Variants in MYO9A observed in about 807,000 individuals in gnomAD.
The protein encoded by MYO9A is myosin IXA.
Under a neutral mutation model 293.3 loss-of-function variants are expected in MYO9A, and 103 were observed. The observed-to-expected ratio is 0.35, with a 90% confidence interval of 0.30 to 0.41. MYO9A has a LOEUF of 0.41. Ranked by LOEUF, MYO9A falls within the 10% of genes least tolerant of loss-of-function variation. The pLI is 1.00. For synonymous variants in MYO9A, 1,001 were observed against 1,035.7 expected (o/e 0.97, Z 0.64); for missense variants, 2,685 against 3,033.0 (o/e 0.89, Z 2.69).
intron 32 of MYO9A, 29 bp from the exon 33 acceptor site, chr15:71,862,640 T>G (rs2056183624): frequency 1.4e-6 from 2 of 1,452,252 alleles, no homozygotes; most frequent in Non-Finnish European, 1.9e-6. Flanking sequence ...CTACTTATAT[T>G]AAAGCCAACA....
chr15:71,830,910 A>T (rs141881632), intron 39 of MYO9A, among the ~76,000 whole-genome samples: 11 of 150,652 alleles, frequency 7.3e-5, no homozygotes, highest in Non-Finnish European at 1.3e-4. Flanking sequence ...CTAGTGAGAT[A>T]TATTTTCTTA....
intron 1 of MYO9A, among the ~76,000 whole-genome samples, chr15:72,072,413 G>T (rs947829623): frequency 1.3e-5 from 2 of 152,126 alleles, no homozygotes; most frequent in Non-Finnish European, 2.9e-5. Context: ...TTACAGGCGT[G>T]AACCACAGCG....
chr15:71,956,825 C>CTA (rs374982755), intron 14 of MYO9A, among the ~76,000 whole-genome samples: 27,498 of 135,406 alleles, frequency 0.2, 2,823 homozygotes, highest in East Asian at 0.41. Flanking sequence ...GCTATATATG[C>CTA]TATATATATA....
chr15:72,116,097 T>C (rs149868586), intron 1 of MYO9A, among the ~76,000 whole-genome samples: 89 of 152,288 alleles, frequency 5.8e-4, no homozygotes, highest in African/African-American at 2.1e-3. Context: ...GGTTTATATA[T>C]TGGAAATATC....
intron 15 of MYO9A, among the ~76,000 whole-genome samples, chr15:71,951,440 G>A (rs201346179): frequency 7.0e-6 from 1 of 143,734 alleles, no homozygotes; most frequent in Non-Finnish European, 1.5e-5. Context: ...TTTTTTTGTT[G>A]TTTTTTTTTT....
chr15:71,849,483 A>G (rs1462952585), intron 38 of MYO9A, among the ~76,000 whole-genome samples: 1 of 151,962 alleles, frequency 6.6e-6, no homozygotes, highest in Non-Finnish European at 1.5e-5. Context: ...TAAAAATAAT[A>G]CAAAATAAAG....
chr15:72,002,564 T>G (rs1267995787), intron 8 of MYO9A, among the ~76,000 whole-genome samples: 1 of 152,122 alleles, frequency 6.6e-6, no homozygotes, highest in African/African-American at 2.4e-5. Context: ...GAAATCAGCA[T>G]TGAAAGATCT....
intron 11 of MYO9A, among the ~76,000 whole-genome samples, chr15:71,986,942 A>C (rs564190251): frequency 1.3e-5 from 2 of 152,282 alleles, no homozygotes; most frequent in Admixed American, 1.3e-4. Flanking sequence ...TCTCACCCAG[A>C]GTAACCTCCA....
intron 1 of MYO9A, among the ~76,000 whole-genome samples, chr15:72,078,287 A>G (rs2079433668): frequency 6.6e-6 from 1 of 152,076 alleles, no homozygotes; most frequent in African/African-American, 2.4e-5. Flanking sequence ...TGAGCCTAGG[A>G]GTTCAAGACC....
intron 13 of MYO9A, among the ~76,000 whole-genome samples, chr15:71,966,410 A>G (rs554906684): frequency 6.6e-6 from 1 of 152,234 alleles, no homozygotes; most frequent in South Asian, 2.1e-4. Context: ...GGGGTATAAA[A>G]GAAATCTAAA....
chr15:72,116,674 C>G (rs2080991220), intron 1 of MYO9A, among the ~76,000 whole-genome samples: 1 of 152,134 alleles, frequency 6.6e-6, no homozygotes, highest in South Asian at 2.1e-4. Context: ...AAATAAGAAA[C>G]AGTTCTAGTA....
At chr15:72,027,873 G>T in intron 3 of MYO9A, 80 bp from the exon 4 acceptor site, 5 of 1,052,458 alleles carry the variant, frequency 4.8e-6, no homozygotes, top group Non-Finnish European at 1.4e-6. Context: ...CAGTGTAAAA[G>T]TATAAAGAAT....
rs895547583 is a variant in MYO9A, at chr15:71,883,423, G to GA, written c.5398+170dup. Among the ~76,000 whole-genome samples, 5 of 152,134 alleles carry GA rather than the reference G, an allele frequency of 3.3e-5. 1 individual carries two copies. Among genetic ancestry groups the GA allele is most frequent in the Admixed American group, 1.3e-4 (2 of 15,260 alleles). The stretch of plus-strand genomic sequence containing the variant: ...CATTTTTTGGAAACTTCTATTGTAG[G>GA]AAAAATGTAACTTTATTTTTTAGTT... On this transcript the variant is annotated intron_variant, in intron 28 of 41. Coordinates refer to ENST00000356056, the MANE Select transcript of MYO9A (RefSeq NM_006901.4).
chr15:72,061,918 C>A (rs1248192394), intron 1 of MYO9A, among the ~76,000 whole-genome samples: 2 of 152,188 alleles, frequency 1.3e-5, no homozygotes, highest in African/African-American at 4.8e-5. Context: ...CAGGTCTGAC[C>A]CAGCACAGTC....
intron 15 of MYO9A, among the ~76,000 whole-genome samples, chr15:71,944,411 T>C (rs961175331): frequency 4.6e-5 from 7 of 152,284 alleles, no homozygotes; most frequent in African/African-American, 1.2e-4. Flanking sequence ...TCTAAGAAAC[T>C]TTTGCCTGTC....
At chr15:71,900,302 G>T (rs1248073985) in intron 23 of MYO9A, among the ~76,000 whole-genome samples, 1 of 151,828 alleles carries the variant, frequency 6.6e-6, no homozygotes, top group Non-Finnish European at 1.5e-5. Context: ...TGGGCGTGGT[G>T]GTGGGTGCCT....
intron 2 of MYO9A, among the ~76,000 whole-genome samples, chr15:72,038,421 TAAGAGA>T (rs2078124373): frequency 6.6e-6 from 1 of 152,170 alleles, no homozygotes; most frequent in African/African-American, 2.4e-5. Context: ...TCAATAACTT[TAAGAGA>T]GTTCAAGTTA....
intron 19 of MYO9A, among the ~76,000 whole-genome samples, chr15:71,915,177 T>A (rs4777470): frequency 0.2 from 30,406 of 151,868 alleles, 3,237 homozygotes; most frequent in East Asian, 0.41. Context: ...CTATAACCCA[T>A]TAATCTTTGC....
At chr15:72,048,123 G>A (rs1227605653) in intron 1 of MYO9A, among the ~76,000 whole-genome samples, 3 of 152,122 alleles carry the variant, frequency 2.0e-5, no homozygotes, top group Non-Finnish European at 4.4e-5. Context: ...ATATAGGCCA[G>A]GAGTGGTGGC....
Sources: allele counts gnomAD v4.1 joint callset (sites outside exome capture counted in the v4.1 genomes callset), GRCh38; gene constraint gnomAD v4.1.1; transcripts MANE v1.5; gene names NCBI Gene and HGNC (gene_info 2026-07-23, HGNC 2026-07-21).